Variants in MCF2L2 observed in about 807,000 individuals in gnomAD.
The protein encoded by MCF2L2 is MCF.2 cell line derived transforming sequence-like 2.
A neutral mutation model predicts 150.2 loss-of-function variants in MCF2L2; 102 were observed. That is an observed-to-expected ratio of 0.68 (90% CI 0.58 to 0.80). The LOEUF (loss-of-function observed/expected upper bound fraction) is 0.80. Ranked by LOEUF, MCF2L2 falls within the 30% of genes least tolerant of loss-of-function variation. The pLI, the probability that MCF2L2 is intolerant of heterozygous loss-of-function variation, is 0.00. For missense variants in MCF2L2, 1,256 were observed against 1,372.8 expected (o/e 0.91, Z 1.34); for synonymous variants, 465 against 491.3 (o/e 0.95, Z 0.71).
intron 23 of MCF2L2, 125 bp downstream of exon 23, chr3:183,207,483 G>A (rs1272197803): frequency 2.8e-6 from 2 of 708,986 alleles, no homozygotes; most frequent in African/African-American, 3.5e-5. Flanking sequence ...CTAGCCCTGT[G>A]GTGTGGTATT....
chr3:183,272,635 G>A, intron 15 of MCF2L2: 1 of 1,000,576 alleles, frequency 1.0e-6, no homozygotes, highest in Non-Finnish European at 1.2e-6. Flanking sequence ...TACTTTCAGA[G>A]TAGATACAGG....
At chr3:183,352,526 A>C (rs1306725516) in intron 3 of MCF2L2, among the ~76,000 whole-genome samples, 2 of 152,228 alleles carry the variant, frequency 1.3e-5, no homozygotes, top group Non-Finnish European at 2.9e-5. Context: ...TTGTCTCAAA[A>C]AAAAAGAACG....
chr3:183,312,287 C>A (rs2108510556), intron 7 of MCF2L2, among the ~76,000 whole-genome samples: 1 of 152,318 alleles, frequency 6.6e-6, no homozygotes, highest in South Asian at 2.1e-4. Context: ...CAGATATGGG[C>A]AGCAATTTCA....
At chr3:183,379,643 T>C (rs1366037229) in intron 2 of MCF2L2, among the ~76,000 whole-genome samples, 1 of 152,152 alleles carries the variant, frequency 6.6e-6, no homozygotes, top group African/African-American at 2.4e-5. Flanking sequence ...AGTTACTGTG[T>C]AAAAGGAAAT....
chr3:183,418,889 G>C (rs1471514728), intron 1 of MCF2L2, among the ~76,000 whole-genome samples: 1 of 152,190 alleles, frequency 6.6e-6, no homozygotes, highest in African/African-American at 2.4e-5. Context: ...GTCATTGTGG[G>C]GTCTGGAGGA....
At chr3:183,202,961 C>T (rs928223299) in intron 25 of MCF2L2, among the ~76,000 whole-genome samples, 1 of 152,228 alleles carries the variant, frequency 6.6e-6, no homozygotes, top group African/African-American at 2.4e-5. Flanking sequence ...GTAATCCCAG[C>T]ACTTTGGGAG....
At chr3:183,348,344 G>C (rs545993465) in intron 3 of MCF2L2, among the ~76,000 whole-genome samples, 1 of 147,420 alleles carries the variant, frequency 6.8e-6, no homozygotes, top group Non-Finnish European at 1.5e-5. Context: ...TAAATGGGAA[G>C]TGAACAATGA....
intron 5 of MCF2L2, among the ~76,000 whole-genome samples, chr3:183,328,132 C>CA (rs1730125487): frequency 6.6e-6 from 1 of 152,222 alleles, no homozygotes; most frequent in Non-Finnish European, 1.5e-5. Context: ...TTGGTGAATA[C>CA]ACCAAGGTCC....
chr3:183,257,565 T>C lies in MCF2L2; in HGVS notation c.1862+19307A>G, dbSNP rs115617464. On this transcript the variant is annotated intron_variant, in intron 15 of 29. Coordinates refer to ENST00000328913, the MANE Select transcript of MCF2L2 (RefSeq NM_015078.4). ...TAAATGGTAGTTAACTTAGACTAAATGTTGATCCACCAAGACAGAAACATG... is the reference window on the plus strand; with the variant it reads ...TAAATGGTAGTTAACTTAGACTAAACGTTGATCCACCAAGACAGAAACATG... Among the ~76,000 whole-genome samples, 553 of 152,314 alleles carry C rather than the reference T, an allele frequency of 3.6e-3. 4 individuals carry two copies. Among genetic ancestry groups the C allele is most frequent in the African/African-American group, 0.012 (502 of 41,582 alleles).
intron 15 of MCF2L2, among the ~76,000 whole-genome samples, chr3:183,262,720 G>T (rs142474175): frequency 1.7e-4 from 26 of 151,438 alleles, no homozygotes; most frequent in Admixed American, 1.5e-3. Flanking sequence ...CTTCAGGGTG[G>T]GGGGGACAGA....
At chr3:183,340,027 A>G (rs148288205) in intron 4 of MCF2L2, among the ~76,000 whole-genome samples, 18 of 152,320 alleles carry the variant, frequency 1.2e-4, no homozygotes, top group African/African-American at 4.3e-4. Flanking sequence ...CCTCTGGAAT[A>G]GTCATGGGCA....
chr3:183,210,533 C>T (rs115784288), intron 22 of MCF2L2, among the ~76,000 whole-genome samples: 2,309 of 152,242 alleles, frequency 0.015, 60 homozygotes, highest in African/African-American at 0.053. Flanking sequence ...TCCTCAACCA[C>T]GCCCTATGAT....
intron 3 of MCF2L2, among the ~76,000 whole-genome samples, chr3:183,343,015 A>C (rs1730762998): frequency 6.6e-6 from 1 of 152,166 alleles, no homozygotes; most frequent in African/African-American, 2.4e-5. Context: ...CTTGCTGAAA[A>C]TTCATTTTAA....
At chr3:183,300,223 C>T (rs200964152) in intron 10 of MCF2L2, 27 bp from the exon 11 acceptor site, 605 of 1,571,854 alleles carry the variant, frequency 3.8e-4, no homozygotes, top group Admixed American at 1.4e-3. Context: ...CACAGCCAGG[C>T]GTCAGAAGTC....
At chr3:183,401,491 T>C (rs1005559900) in intron 1 of MCF2L2, among the ~76,000 whole-genome samples, 1 of 152,150 alleles carries the variant, frequency 6.6e-6, no homozygotes, top group Non-Finnish European at 1.5e-5. Context: ...TATGAAACTA[T>C]ACATTTCGGT....
intron 15 of MCF2L2, among the ~76,000 whole-genome samples, chr3:183,264,546 C>A (rs148286483): frequency 1.3e-5 from 2 of 152,270 alleles, no homozygotes; most frequent in African/African-American, 2.4e-5. Context: ...TATAAGAACC[C>A]GCAGAGTAAA....
chr3:183,314,339 G>C (rs752689325), intron 7 of MCF2L2, among the ~76,000 whole-genome samples: 4 of 152,160 alleles, frequency 2.6e-5, no homozygotes, highest in Non-Finnish European at 5.9e-5. Context: ...TGATACGATT[G>C]TTCCACTGTG....
chr3:183,264,330 G>C (rs890078279), intron 15 of MCF2L2, among the ~76,000 whole-genome samples: 1 of 152,144 alleles, frequency 6.6e-6, no homozygotes, highest in African/African-American at 2.4e-5. Context: ...AACCCCCACC[G>C]ATTTCTCTAC....
At chr3:183,387,084 C>T (rs1341231941) in intron 2 of MCF2L2, among the ~76,000 whole-genome samples, 1 of 151,706 alleles carries the variant, frequency 6.6e-6, no homozygotes, top group Non-Finnish European at 1.5e-5. Flanking sequence ...GGCAAAACCC[C>T]ATCTCTACAA....
Sources: allele counts gnomAD v4.1 joint callset (sites outside exome capture counted in the v4.1 genomes callset), GRCh38; gene constraint gnomAD v4.1.1; transcripts MANE v1.5; gene names NCBI Gene and HGNC (gene_info 2026-07-23, HGNC 2026-07-21).